Variants in MAP1A observed in about 807,000 individuals in gnomAD.
MAP1A encodes microtubule-associated protein 1A.
MAP1A carries 42 observed loss-of-function variants against 185.9 expected under a neutral mutation model. That is an observed-to-expected ratio of 0.23 (90% CI 0.18 to 0.29). MAP1A has a LOEUF of 0.29. Among genes scored for constraint, MAP1A ranks in the 10% least tolerant of loss-of-function variants. The pLI, the probability that MAP1A is intolerant of heterozygous loss-of-function variation, is 1.00. For missense variants in MAP1A, 2,995 were observed against 3,450.4 expected, an observed-to-expected ratio of 0.87 and a Z score of 3.31; for synonymous variants, 1,229 against 1,335.9, an observed-to-expected ratio of 0.92 and a Z score of 1.74.
upstream of MAP1A, among the ~76,000 whole-genome samples, chr15:43,513,451 A>G (rs1162140573): frequency 6.6e-6 from 1 of 152,242 alleles, no homozygotes; most frequent in Non-Finnish European, 1.5e-5. Context: ...CTGCAACTGA[A>G]TGATTGAATT....
chr15:43,524,744 T>C lies in MAP1A; in HGVS notation c.3271T>C (p.Leu1091=). The C allele has an allele frequency of 6.2e-7, 1 of 1,614,088 alleles. No homozygotes were observed. The change falls in exon 4 of 6, where the codon TTG becomes CTG. Residue 1091 remains leucine, a synonymous_variant. Transcript: ENST00000300231. ...GCTTACAGGCTGTACCATTCAACTGTTGCCAGCACAGGATAAAGCAATAGT... is the reference window on the plus strand; with the variant it reads ...GCTTACAGGCTGTACCATTCAACTGCTGCCAGCACAGGATAAAGCAATAGT... The part of the protein sequence containing the change: ...EGLTGCTIQL[L]PAQDKAIVFE...
intron 5 of MAP1A, 28 bp from the exon 6 acceptor site, chr15:43,530,041 C>A: frequency 1.2e-6 from 2 of 1,612,050 alleles, no homozygotes; most frequent in Non-Finnish European, 8.5e-7. Context: ...TATGTTCTCA[C>A]ATCAGACATA....
In MAP1A at chr15:43,525,588, A is replaced by G. The variant is rs1255166475; in HGVS notation, c.4115A>G (p.Lys1372Arg). 1 of 1,614,104 alleles carries G rather than the reference A, an allele frequency of 6.2e-7. No homozygotes were observed. Among genetic ancestry groups the G allele is most frequent in the African/African-American group, 1.3e-5 (1 of 74,960 alleles). Reference protein sequence around the residue: ...PKDEVLQQKDKTLEHKEVVEP... With the variant: ...PKDEVLQQKDRTLEHKEVVEP... ...GATGAAGTTTTACAGCAGAAAGACA[A>G]AACTCTGGAGCACAAGGAGGTGGTA... The change falls in exon 4 of 6, where the codon AAA (lysine) becomes AGA (arginine). Residue 1372 changes from lysine (K) to arginine (R), a missense_variant. Transcript: ENST00000300231.
Position 43,521,707 on chromosome 15 carries a change from C to T in MAP1A, c.234C>T (p.His78=), listed in dbSNP as rs373309885. 2.7e-5 allele frequency: 44 copies of T among 1,614,220 alleles called. No homozygotes were observed. In the African/African-American group the frequency reaches 5.7e-4, roughly 21 times the overall value. Residue 78 remains histidine, a synonymous_variant, in exon 4 of 6, where the codon CAC becomes CAT. Transcript: ENST00000300231. This position sits in a 1 kb window ranked among gnomAD's most constrained non-coding sequence, Gnocchi z 4.6. The part of the protein sequence containing the change: ...RKSCFWKLVR[H]LDRIDSVLLT... The stretch of plus-strand genomic sequence containing the variant: ...CCTGTTTTTGGAAGCTGGTACGGCA[C>T]TTGGACCGCATTGACTCGGTGCTAC...
upstream of MAP1A, among the ~76,000 whole-genome samples, chr15:43,515,334 C>G (rs2079293774): frequency 6.6e-6 from 1 of 152,186 alleles, no homozygotes; most frequent in Admixed American, 6.5e-5. Context: ...AACAGTTACC[C>G]TGAATTAATA....
At chr15:43,518,747 G>A (rs2079308659) in intron 1 of MAP1A, among the ~76,000 whole-genome samples, 1 of 142,438 alleles carries the variant, frequency 7.0e-6, no homozygotes, top group Non-Finnish European at 1.5e-5. Context: ...AGCACTGTGT[G>A]TCCCTGCCTC....
rs773292798 is a variant in MAP1A, at chr15:43,524,289, A to G, written c.2816A>G (p.Glu939Gly). 23 of 1,614,180 alleles carry G rather than the reference A, an allele frequency of 1.4e-5. No individual in the cohort carries two copies. In the East Asian group the frequency reaches 4.7e-4, roughly 33 times the overall value. ...GKGLSGERAV[E>G]EEEEETANVE... ...GGCTTGTCTGGAGAGAGAGCTGTGG[A>G]AGAGGAAGAGGAGGAGACAGCAAAC... The change falls in exon 4 of 6, where the codon GAA becomes GGA. Residue 939 changes from glutamate (E) to glycine (G), a missense_variant. By Grantham distance (98) the Glu-to-Gly change is moderately conservative. Coordinates refer to ENST00000300231, the MANE Select transcript of MAP1A (RefSeq NM_002373.6).
chr15:43,523,064 C>T lies in MAP1A; in HGVS notation c.1591C>T (p.Leu531Phe). The change falls in exon 4 of 6, where the codon CTC (leucine) becomes TTC (phenylalanine). Residue 531 changes from leucine to phenylalanine, a missense_variant. Leu to Phe is a conservative substitution (Grantham distance 22). This residue lies in a region of MAP1A where 2,728 missense variants were observed against 2,986.0 expected (regional missense o/e 0.91). Coordinates refer to ENST00000300231, the MANE Select transcript of MAP1A (RefSeq NM_002373.6). Reference sequence around the variant, plus strand: ...GCTGGTCCTATCCTCACCAGAGGACCTCACACAGGACTTTGAGGAGATGAA... The same window carrying T: ...GCTGGTCCTATCCTCACCAGAGGACTTCACACAGGACTTTGAGGAGATGAA... The part of the protein sequence containing the change: ...RELVLSSPED[L>F]TQDFEEMKRE... 6.2e-7 allele frequency: 1 copy of T among 1,614,170 alleles called. No homozygotes were observed.
intron 1 of MAP1A, among the ~76,000 whole-genome samples, chr15:43,512,012 G>A (rs1162206808): frequency 6.6e-6 from 1 of 152,182 alleles, no homozygotes; most frequent in African/African-American, 2.4e-5. Flanking sequence ...GCTGTAAACT[G>A]GGAGAAAGAC....
In MAP1A at chr15:43,525,531, C is replaced by T. The variant is rs1398137420; in HGVS notation, c.4058C>T (p.Thr1353Ile). The T allele has an allele frequency of 6.2e-7, 1 of 1,614,068 alleles. No individual in the cohort carries two copies. Among genetic ancestry groups the T allele is most frequent in the African/African-American group, 1.3e-5 (1 of 74,920 alleles). The stretch of plus-strand genomic sequence containing the variant: ...AAAGTTCCAGGGTTGAAAGACAGAA[C>T]CTCAGAACAGAAGAAGGAACCTGAG... ...EDKVPGLKDR[T>I]SEQKKEPEPK... Residue 1353 changes from threonine (T) to isoleucine (I), a missense_variant, in exon 4 of 6, where the codon ACC becomes ATC. By Grantham distance (89) the Thr-to-Ile change is moderately conservative. Coordinates refer to ENST00000300231, the MANE Select transcript of MAP1A (RefSeq NM_002373.6).
rs530414077 is a variant in MAP1A, at chr15:43,510,981, G to A, written c.-8G>A. Reference sequence around the variant, plus strand: ...AAGCTGCCGGACTAACACTCCGCGGGTGTTTCCATGGAGACCGAGGCCGAG... The same window carrying A: ...AAGCTGCCGGACTAACACTCCGCGGATGTTTCCATGGAGACCGAGGCCGAG... On this transcript the variant is annotated 5_prime_UTR_variant, in exon 1 of 7. Coordinates refer to the MAP1A transcript ENST00000382031. The A allele has an allele frequency of 4.0e-5, 61 of 1,529,600 alleles. No individual in the cohort carries two copies. The East Asian group carries it at 6.9e-4, about 17-fold the overall frequency. 94.8% of individuals were successfully genotyped at this position (1,529,600 alleles called of 1,614,324 possible). A position where few individuals can be genotyped will look rare whatever the true frequency, so the allele number is the denominator to read the frequency against.
intron 2 of MAP1A, 79 bp downstream of exon 2, chr15:43,520,802 G>A (rs2079316239): frequency 7.4e-7 from 1 of 1,360,470 alleles, no homozygotes; most frequent in African/African-American, 1.5e-5. Context: ...ACCACTATTA[G>A]GCCAAGAATT....
Position 43,529,852 on chromosome 15 carries a change from G to A in MAP1A, c.8238G>A (p.Gln2746=), listed in dbSNP as rs772742398. ...ATGCCCTGCTGGAGGGCAAGGCCCAGTGGGGGGAGAATCTTCAGGTGAGTA... is the reference window on the plus strand; with the variant it reads ...ATGCCCTGCTGGAGGGCAAGGCCCAATGGGGGGAGAATCTTCAGGTGAGTA... The part of the protein sequence containing the change: ...VLDALLEGKA[Q]WGENLQVTLI... The change falls in exon 5 of 6, where the codon CAG becomes CAA. Residue 2746 remains glutamine, a synonymous_variant. Coordinates refer to ENST00000300231, the MANE Select transcript of MAP1A (RefSeq NM_002373.6). This position sits in a 1 kb window ranked among gnomAD's most constrained non-coding sequence, Gnocchi z 4.3. The A allele has an allele frequency of 6.2e-7, 1 of 1,613,662 alleles. No homozygotes were observed. The highest frequency in any genetic ancestry group is 8.5e-7 in the Non-Finnish European group (1 of 1,180,032).
chr15:43,522,602 C>G lies in MAP1A; in HGVS notation c.1129C>G (p.Pro377Ala). 6.2e-7 allele frequency: 1 copy of G among 1,612,506 alleles called. No homozygotes were observed. Among genetic ancestry groups the G allele is most frequent in the Non-Finnish European group, 8.5e-7 (1 of 1,179,330 alleles). Residue 377 changes from proline (P) to alanine (A), a missense_variant, in exon 4 of 6, where the codon CCT becomes GCT. Pro to Ala is a conservative substitution (Grantham distance 27). Transcript: ENST00000300231. The surrounding 1 kb of genome is among the most constrained non-coding windows in gnomAD (Gnocchi z 5.9). ...SEKPPEKPAK[P>A]ERVKTESSEA... ...GAAGCCCCCAGAGAAGCCTGCCAAGCCTGAGAGGGTGAAGACAGAGTCAAG... is the reference window on the plus strand; with the variant it reads ...GAAGCCCCCAGAGAAGCCTGCCAAGGCTGAGAGGGTGAAGACAGAGTCAAG...
At position 43,518,712 on chromosome 15, in the gene MAP1A, C is replaced by G. The variant is rs185206809; in HGVS notation, c.-375+1012C>G. Among the ~76,000 whole-genome samples, 230 of 132,918 alleles carry G rather than the reference C, an allele frequency of 1.7e-3. 1 individual carries two copies. Among genetic ancestry groups the G allele is most frequent in the East Asian group, 6.2e-3 (27 of 4,358 alleles). The allele number at this position is 132,918 out of a possible 152,430, so 87.2% of individuals were successfully genotyped here. A position where few individuals can be genotyped will look rare whatever the true frequency, so the allele number is the denominator to read the frequency against. ...TCAGCCTCTGCACCGCAGCCCACCC[C>G]CCCCCGCAACTCCAGCACTGGCTGA... On this transcript the variant is annotated intron_variant, in intron 1 of 5. Transcript: ENST00000300231.
In MAP1A at chr15:43,527,257, C is replaced by T. The variant is rs1388265805; in HGVS notation, c.5784C>T (p.Ser1928=). 2 of 1,614,158 alleles carry T rather than the reference C, an allele frequency of 1.2e-6. No individual in the cohort carries two copies. The highest frequency in any genetic ancestry group is 1.7e-6 in the Non-Finnish European group (2 of 1,180,002). ...GTAGGGCTGAGGCTCCTGACAAAAGCTCACACAGCTCAAAGGTACCAGAGG... is the reference window on the plus strand; with the variant it reads ...GTAGGGCTGAGGCTCCTGACAAAAGTTCACACAGCTCAAAGGTACCAGAGG... The part of the protein sequence containing the change: ...EEGRAEAPDK[S]SHSSKVPEAS... Residue 1928 remains serine, a synonymous_variant, in exon 4 of 6, where the codon AGC becomes AGT. Coordinates refer to ENST00000300231, the MANE Select transcript of MAP1A (RefSeq NM_002373.6).
rs750675684 is a variant in MAP1A, at chr15:43,528,804, A to G, written c.7331A>G (p.His2444Arg). The change falls in exon 4 of 6, where the codon CAT becomes CGT. Residue 2444 changes from histidine (H) to arginine (R), a missense_variant. By Grantham distance (29) the His-to-Arg change is conservative. Transcript: ENST00000300231. The stretch of plus-strand genomic sequence containing the variant: ...GGATGTGCCACTGAGCCTCGGCCCC[A>G]TCGTGGGGAGCTCTCCCCATCCTTC... ...PQGCATEPRP[H>R]RGELSPSFLN... The G allele has an allele frequency of 1.2e-6, 2 of 1,613,482 alleles. No individual in the cohort carries two copies. Among genetic ancestry groups the G allele is most frequent in the East Asian group, 2.2e-5 (1 of 44,862 alleles).
Position 43,526,952 on chromosome 15 carries a change from C to G in MAP1A, c.5479C>G (p.Pro1827Ala), listed in dbSNP as rs2229014. 0.017 allele frequency: 27,805 copies of G among 1,613,686 alleles called. 321 individuals carry two copies. Among genetic ancestry groups the G allele is most frequent in the Non-Finnish European group, 0.019 (21,911 of 1,179,740 alleles). The change falls in exon 4 of 6, where the codon CCA becomes GCA. Residue 1827 changes from proline (P) to alanine (A), a missense_variant. By Grantham distance (27) the Pro-to-Ala change is conservative. Transcript: ENST00000300231. The surrounding 1 kb of genome is among the most constrained non-coding windows in gnomAD (Gnocchi z 4.7). ...TCCTATCCCAGACCCTAAGCTCATGCCACACATGAAGAATGAACCCACTAC... is the reference window on the plus strand; with the variant it reads ...TCCTATCCCAGACCCTAAGCTCATGGCACACATGAAGAATGAACCCACTAC... ...ESPIPDPKLM[P>A]HMKNEPTTPS...
Position 43,522,459 on chromosome 15 carries a change from C to T in MAP1A, c.986C>T (p.Thr329Met), listed in dbSNP as rs139538952. 68 of 1,614,070 alleles carry T rather than the reference C, an allele frequency of 4.2e-5. No individual in the cohort carries two copies. The highest frequency in any genetic ancestry group is 1.6e-4 in the Middle Eastern group (1 of 6,062). ...GAGAGCCTCAAAGCCACTACCAAGA[C>T]GGCCGTGAGCAAGTTGGCCAAACGG... ...SKESLKATTKTAVSKLAKREE... is the reference protein window; with the variant it reads ...SKESLKATTKMAVSKLAKREE... The change falls in exon 4 of 6, where the codon ACG becomes ATG. Residue 329 changes from threonine to methionine, a missense_variant. This residue lies in a region of MAP1A where 264 missense variants were observed against 435.3 expected (regional missense o/e 0.61). Coordinates refer to ENST00000300231, the MANE Select transcript of MAP1A (RefSeq NM_002373.6). The surrounding 1 kb of genome is among the most constrained non-coding windows in gnomAD (Gnocchi z 5.9).
Sources: gnomAD v4.1 joint callset for allele counts (sites outside exome capture counted in the v4.1 genomes callset) on GRCh38, gnomAD v4.1.1 for gene constraint, gnomAD v4.1.1 regional missense constraint, Gnocchi (gnomAD v3.1) non-coding constraint, MANE v1.5 for transcripts, NCBI Gene and HGNC (gene_info 2026-07-23, HGNC 2026-07-21) for gene names.